Variants in ZZEF1 observed in about 807,000 individuals in gnomAD.
The protein encoded by ZZEF1 is zinc finger ZZ-type and EF-hand domain-containing protein 1.
A neutral mutation model predicts 342.8 loss-of-function variants in ZZEF1; 157 were observed. The observed-to-expected ratio is 0.46, with a 90% confidence interval of 0.40 to 0.52. The LOEUF (loss-of-function observed/expected upper bound fraction) is 0.52. Ranked by LOEUF, ZZEF1 falls within the 20% of genes least tolerant of loss-of-function variation. ZZEF1 has a pLI of 0.00. For missense variants in ZZEF1, 3,480 were observed against 3,725.6 expected (o/e 0.93, Z 1.72); for synonymous variants, 1,505 against 1,429.1 (o/e 1.05, Z -1.20).
chr17:4,085,161 C>T (rs558169610), intron 16 of ZZEF1, among the ~76,000 whole-genome samples: 2 of 151,982 alleles, frequency 1.3e-5, no homozygotes, highest in South Asian at 2.1e-4. Flanking sequence ...CAGATATATA[C>T]TGAAATATTT....
intron 52 of ZZEF1, among the ~76,000 whole-genome samples, chr17:4,010,041 G>A (rs1296293370): frequency 1.3e-5 from 2 of 152,044 alleles, no homozygotes; most frequent in South Asian, 2.1e-4. Context: ...TGGATGTTAC[G>A]GGCTACACAT....
chr17:4,142,926 A>G lies in ZZEF1; in HGVS notation c.-31T>C. 2.3e-6 allele frequency: 3 copies of G among 1,303,892 alleles called. No individual in the cohort carries two copies. The highest frequency in any genetic ancestry group is 2.9e-6 in the Non-Finnish European group (3 of 1,029,734). The allele number at this position is 1,303,892 out of a possible 1,614,324, so 80.8% of individuals were successfully genotyped here. On this transcript the variant is annotated 5_prime_UTR_variant, in exon 1 of 55. Transcript: ENST00000381638. ...CTCCGTCTTGGGCGCCTGGCTCTGCAGCCGCCGCCGCCGCCTCCCCGCCTC... is the reference window on the plus strand; with the variant it reads ...CTCCGTCTTGGGCGCCTGGCTCTGCGGCCGCCGCCGCCGCCTCCCCGCCTC...
intron 2 of ZZEF1, among the ~76,000 whole-genome samples, 191 bp downstream of exon 2, chr17:4,123,716 G>A (rs547024522): frequency 1.3e-5 from 2 of 152,160 alleles, no homozygotes; most frequent in Admixed American, 6.5e-5. Context: ...GTTATAAAAC[G>A]GTAGAACTGC....
intron 41 of ZZEF1, among the ~76,000 whole-genome samples, chr17:4,032,545 T>C (rs984619300): frequency 1.1e-4 from 16 of 152,352 alleles, no homozygotes; most frequent in African/African-American, 3.8e-4. Flanking sequence ...GAAAGACAAT[T>C]TTCTTTGAAG....
Position 4,123,959 on chromosome 17 carries a change from C to A in ZZEF1, c.447G>T (p.Gln149His). ...ALKNSSGANLQGELSHIIRQL... is the reference protein window; with the variant it reads ...ALKNSSGANLHGELSHIIRQL... ...GTCTGATGATGTGGCTCAGCTCCCC[C>A]TGAAGATTAGCTCCACTGGAATTCT... The change falls in exon 2 of 55, where the codon CAG becomes CAT. Residue 149 changes from glutamine (Q) to histidine (H), a missense_variant. Gln to His is a conservative substitution (Grantham distance 24, BLOSUM62 0). Around this residue, in one of 5 missense-constraint regions of ZZEF1, gnomAD observed 416 missense variants for 374.2 expected, o/e 1.11. Transcript: ENST00000381638. The A allele has an allele frequency of 6.2e-7, 1 of 1,614,028 alleles. No homozygotes were observed. The highest frequency in any genetic ancestry group is 1.1e-5 in the South Asian group (1 of 91,074).
At chr17:4,027,089 T>C (rs1206732742) in intron 42 of ZZEF1, among the ~76,000 whole-genome samples, 2 of 152,042 alleles carry the variant, frequency 1.3e-5, no homozygotes, top group Non-Finnish European at 2.9e-5. Context: ...TAGCTAAATA[T>C]AAAAGCTAAT....
chr17:4,008,977 G>C lies in ZZEF1; in HGVS notation c.8734-23C>G. On this transcript the variant is annotated intron_variant, in intron 53 of 54. Coordinates refer to ENST00000381638, the MANE Select transcript of ZZEF1 (RefSeq NM_015113.4). The surrounding 1 kb of genome is among the most constrained non-coding windows in gnomAD (Gnocchi z 4.2). The stretch of plus-strand genomic sequence containing the variant: ...CTCCTGCAGAGAGAGAGCAGGGGCT[G>C]TGAGTGACAGCGCCAGATGCGCAGT... The C allele has an allele frequency of 6.5e-7, 1 of 1,538,106 alleles. No individual in the cohort carries two copies. The highest frequency in any genetic ancestry group is 8.7e-7 in the Non-Finnish European group (1 of 1,146,608).
At position 4,088,818 on chromosome 17, in the gene ZZEF1, C is replaced by T; in HGVS notation, c.2101G>A (p.Gly701Arg). 1 of 1,614,172 alleles carries T rather than the reference C, an allele frequency of 6.2e-7. No individual in the cohort carries two copies. Among genetic ancestry groups the T allele is most frequent in the Non-Finnish European group, 8.5e-7 (1 of 1,180,042 alleles). Residue 701 changes from glycine to arginine, a missense_variant, in exon 13 of 55, where the codon GGG becomes AGG. Gly to Arg is a moderately radical substitution (Grantham distance 125, BLOSUM62 -2). Coordinates refer to ENST00000381638, the MANE Select transcript of ZZEF1 (RefSeq NM_015113.4). ...TCTGCTCTTGCAGGCCGGAGGTACC[C>T]ACTGATGGTCAAGCCTTGCACTCCC... ...RLGVQGLTIS[G>R]YLRPARAEAE...
intron 27 of ZZEF1, 70 bp from the exon 28 acceptor site, chr17:4,066,610 C>T: frequency 7.4e-7 from 1 of 1,348,972 alleles, no homozygotes; most frequent in East Asian, 2.3e-5. Context: ...TGGCAAACTA[C>T]TTCAAAAGCA....
chr17:4,049,586 T>G, intron 37 of ZZEF1, 122 bp downstream of exon 37: 2 of 1,133,944 alleles, frequency 1.8e-6, no homozygotes, highest in African/African-American at 1.6e-5. Context: ...GGAGCAGGCA[T>G]GTGAATCCAG....
At chr17:4,122,543 C>T (rs35239906) in intron 2 of ZZEF1, among the ~76,000 whole-genome samples, 24,316 of 151,998 alleles carry the variant, frequency 0.16, 1,988 homozygotes, top group East Asian at 0.18. Flanking sequence ...ACATGCCCAG[C>T]TAATTTTTGT....
At chr17:4,131,116 T>G (rs1337720351) in intron 1 of ZZEF1, among the ~76,000 whole-genome samples, 1 of 152,054 alleles carries the variant, frequency 6.6e-6, no homozygotes, top group Non-Finnish European at 1.5e-5. Context: ...CAATCCTCCC[T>G]TTTTCAGAAA....
At chr17:4,075,467 A>G in intron 21 of ZZEF1, 38 bp from the exon 22 acceptor site, 1 of 1,604,184 alleles carries the variant, frequency 6.2e-7, no homozygotes, top group Non-Finnish European at 8.5e-7. Flanking sequence ...GAAAGGTTCT[A>G]TCACTAGACA....
chr17:4,107,566 T>C (rs2058232075), intron 6 of ZZEF1, among the ~76,000 whole-genome samples: 1 of 152,202 alleles, frequency 6.6e-6, no homozygotes, highest in African/African-American at 2.4e-5. Flanking sequence ...GAAGGGCATC[T>C]GTGCAAGGAT....
In ZZEF1 at chr17:4,102,374, CT is replaced by C; in HGVS notation, c.1614del (p.Gly539GlufsTer47). On this transcript the variant is annotated frameshift_variant, in exon 9 of 55. Coordinates refer to ENST00000381638, the MANE Select transcript of ZZEF1 (RefSeq NM_015113.4). LOFTEE classifies it high-confidence loss of function. Reference protein sequence around the residue: ...LQLTLQACDVKGKEDKSGPEN... With the variant: ...LQLTLQACDVXGKEDKSGPEN... Reference sequence around the variant, plus strand: ...TCGGGTCCAGACTTATCTTCTTTTCCTTTGACATCACATGCCTGAAGAGTCA... The same window carrying C: ...TCGGGTCCAGACTTATCTTCTTTTCCTTGACATCACATGCCTGAAGAGTCA... The C allele has an allele frequency of 6.2e-7, 1 of 1,613,886 alleles. No individual in the cohort carries two copies. Among genetic ancestry groups the C allele is most frequent in the South Asian group, 1.1e-5 (1 of 91,080 alleles).
intron 2 of ZZEF1, among the ~76,000 whole-genome samples, chr17:4,117,907 C>T (rs2058424366): frequency 6.6e-6 from 1 of 152,138 alleles, no homozygotes; most frequent in East Asian, 1.9e-4. Flanking sequence ...GCCATTACCA[C>T]AGTTTCCAAC....
In ZZEF1 at chr17:4,064,847, T is replaced by C. The variant is rs1567808579; in HGVS notation, c.4250-18A>G. 1.7e-5 allele frequency: 18 copies of C among 1,081,392 alleles called. No individual in the cohort carries two copies. Among genetic ancestry groups the C allele is most frequent in the Admixed American group, 5.9e-5 (2 of 33,926 alleles). The allele number at this position is 1,081,392 out of a possible 1,614,324, so 67.0% of individuals were successfully genotyped here. On this transcript the variant is annotated intron_variant, in intron 28 of 54. Coordinates refer to ENST00000381638, the MANE Select transcript of ZZEF1 (RefSeq NM_015113.4). ...CTCTTTTGCTAGATGCAAACAAGAATCATAATTGAAAAAAAAAAAAGTTAA... is the reference window on the plus strand; with the variant it reads ...CTCTTTTGCTAGATGCAAACAAGAACCATAATTGAAAAAAAAAAAAGTTAA...
intron 1 of ZZEF1, among the ~76,000 whole-genome samples, chr17:4,124,609 A>ATTTTTTTTTTTTTTTT (rs34282931): frequency 7.9e-6 from 1 of 126,790 alleles, no homozygotes; most frequent in African/African-American, 2.8e-5. Flanking sequence ...CGCCAAGCTG[A>ATTTTTTTTTTTTTTTT]TTTTTTTTTT....
intron 44 of ZZEF1, 98 bp downstream of exon 44, chr17:4,022,611 C>T: frequency 6.4e-7 from 1 of 1,567,410 alleles, no homozygotes. Flanking sequence ...AAGGAGTGTG[C>T]ACAGGGCAGA....
Sources: gnomAD v4.1 joint callset for allele counts (sites outside exome capture counted in the v4.1 genomes callset) on GRCh38, gnomAD v4.1.1 for gene constraint, gnomAD v4.1.1 regional missense constraint, Gnocchi (gnomAD v3.1) non-coding constraint, MANE v1.5 for transcripts, NCBI Gene and HGNC (gene_info 2026-07-23, HGNC 2026-07-21) for gene names.